Variants in TRPM3 observed in about 807,000 individuals in gnomAD.
TRPM3 encodes transient receptor potential cation channel subfamily M member 3.
Under a neutral mutation model 181.2 loss-of-function variants are expected in TRPM3, and 77 were observed. The ratio of observed to expected loss-of-function variants is 0.42; its 90% CI spans 0.35 to 0.51. The LOEUF is 0.51. Ranked by LOEUF, TRPM3 falls within the 20% of genes least tolerant of loss-of-function variation. TRPM3 has a pLI of 0.01. For synonymous variants in TRPM3, 745 were observed against 796.4 expected, an observed-to-expected ratio of 0.94 and a Z score of 1.09; for missense variants, 1,759 against 2,196.7, an observed-to-expected ratio of 0.80 and a Z score of 3.98.
In TRPM3 at chr9:70,843,028, T is replaced by C; in HGVS notation, c.776A>G (p.Asn259Ser). The C allele has an allele frequency of 6.2e-7, 1 of 1,613,798 alleles. No homozygotes were observed. Among genetic ancestry groups the C allele is most frequent in the African/African-American group, 1.3e-5 (1 of 75,000 alleles). ...IGIAPWGIVE[N>S]QEDLIGRDVV... ...ATCTCTTCCAATGAGGTCCTCCTGGTTTTCCACAATTCCCCAGGGGGCAAT... is the reference window on the plus strand; with the variant it reads ...ATCTCTTCCAATGAGGTCCTCCTGGCTTTCCACAATTCCCCAGGGGGCAAT... The change falls in exon 5 of 26, where the codon AAC (asparagine) becomes AGC (serine). Residue 259 changes from asparagine to serine, a missense_variant. Asn to Ser is a conservative substitution (Grantham distance 46). Around this residue, in one of 8 missense-constraint regions of TRPM3, gnomAD observed 737 missense variants for 957.4 expected, o/e 0.77. Transcript: ENST00000677713.
At chr9:70,545,528 AAAG>A (rs1218799862) in intron 25 of TRPM3, among the ~76,000 whole-genome samples, 2 of 144,010 alleles carry the variant, frequency 1.4e-5, no homozygotes, top group African/African-American at 5.1e-5. Context: ...TTCAGAGAGA[AAAG>A]AATTTTAATT....
intron 1 of TRPM3, among the ~76,000 whole-genome samples, chr9:71,060,339 T>C (rs2061172382): frequency 6.6e-6 from 1 of 152,130 alleles, no homozygotes; most frequent in African/African-American, 2.4e-5. Context: ...CTAACATTTC[T>C]CAGCATTTCC....
chr9:70,990,029 G>C (rs181062766), intron 1 of TRPM3, among the ~76,000 whole-genome samples: 2 of 152,130 alleles, frequency 1.3e-5, no homozygotes. Flanking sequence ...CTAAACTTAT[G>C]CCTTTTGTAC....
chr9:71,385,356 A>G (rs553765094), intron 1 of TRPM3, among the ~76,000 whole-genome samples: 144 of 152,362 alleles, frequency 9.5e-4, no homozygotes, highest in African/African-American at 3.2e-3. Flanking sequence ...ATCTATATGC[A>G]TAAATCTAAA....
chr9:71,159,718 G>A (rs1396806106), intron 1 of TRPM3, among the ~76,000 whole-genome samples: 1 of 151,996 alleles, frequency 6.6e-6, no homozygotes, highest in African/African-American at 2.4e-5. Context: ...AACACTTAAC[G>A]ACTTGAAATA....
chr9:70,667,876 C>G (rs888525202), intron 9 of TRPM3, among the ~76,000 whole-genome samples: 2 of 152,160 alleles, frequency 1.3e-5, no homozygotes, highest in Non-Finnish European at 2.9e-5. Flanking sequence ...TCACATGGCC[C>G]CAACTTCTCT....
intron 9 of TRPM3, among the ~76,000 whole-genome samples, chr9:70,676,504 A>T (rs2064044222): frequency 6.6e-6 from 1 of 152,210 alleles, no homozygotes; most frequent in African/African-American, 2.4e-5. Flanking sequence ...CTGAGAGAGC[A>T]GACTGATAAA....
intron 8 of TRPM3, among the ~76,000 whole-genome samples, chr9:70,698,762 T>C (rs2071444863): frequency 6.6e-6 from 1 of 152,022 alleles, no homozygotes; most frequent in South Asian, 2.1e-4. Context: ...AGTGAGTGAG[T>C]TCTCATGAGA....
chr9:70,677,236 A>T (rs1308924626), intron 9 of TRPM3, among the ~76,000 whole-genome samples: 2 of 152,154 alleles, frequency 1.3e-5, no homozygotes, highest in Non-Finnish European at 2.9e-5. Flanking sequence ...TGACCCAATG[A>T]TGCAAAAGTT....
intron 9 of TRPM3, among the ~76,000 whole-genome samples, chr9:70,652,862 G>A (rs1048502945): frequency 6.6e-6 from 1 of 152,184 alleles, no homozygotes; most frequent in Non-Finnish European, 1.5e-5. Flanking sequence ...AGTTTGGTGA[G>A]GTAGAAGCTG....
intron 1 of TRPM3, among the ~76,000 whole-genome samples, chr9:71,405,277 A>G (rs2131406484): frequency 6.6e-6 from 1 of 152,352 alleles, no homozygotes; most frequent in East Asian, 1.9e-4. Context: ...TATCCTATAC[A>G]TACAGCAAAG....
chr9:70,664,705 C>T (rs2061604917), intron 9 of TRPM3, among the ~76,000 whole-genome samples: 2 of 129,752 alleles, frequency 1.5e-5, no homozygotes, highest in Admixed American at 2.0e-4. Context: ...GGCTGGAGTG[C>T]AGTGGCATGA....
intron 6 of TRPM3, among the ~76,000 whole-genome samples, chr9:70,802,880 AT>A (rs1157284408): frequency 6.6e-6 from 1 of 152,044 alleles, no homozygotes; most frequent in African/African-American, 2.4e-5. Context: ...TAGCAGGCTA[AT>A]TTATTGAGCT....
intron 22 of TRPM3, among the ~76,000 whole-genome samples, chr9:70,564,773 G>A (rs894992686): frequency 7.2e-5 from 11 of 152,168 alleles, no homozygotes; most frequent in Non-Finnish European, 1.6e-4. Context: ...CCATTGCATT[G>A]TGCCTGAGGG....
At chr9:70,693,709 C>T (rs141094593) in intron 8 of TRPM3, among the ~76,000 whole-genome samples, 10 of 152,282 alleles carry the variant, frequency 6.6e-5, no homozygotes, top group South Asian at 4.1e-4. Flanking sequence ...AATCTTGACA[C>T]GTTCCAGTTG....
intron 1 of TRPM3, among the ~76,000 whole-genome samples, chr9:70,950,352 C>T (rs1322464797): frequency 6.6e-6 from 1 of 152,146 alleles, no homozygotes; most frequent in Non-Finnish European, 1.5e-5. Flanking sequence ...TATTATTTTT[C>T]AAGTGGCCAT....
intron 9 of TRPM3, among the ~76,000 whole-genome samples, chr9:70,675,342 C>A (rs1449090908): frequency 6.6e-6 from 1 of 152,008 alleles, no homozygotes; most frequent in Non-Finnish European, 1.5e-5. Context: ...CTCAGGTGAT[C>A]CACTCGGCCT....
At chr9:71,184,212 G>T (rs967307362) in intron 1 of TRPM3, among the ~76,000 whole-genome samples, 1 of 152,034 alleles carries the variant, frequency 6.6e-6, no homozygotes, top group Non-Finnish European at 1.5e-5. Flanking sequence ...AAGAACAACA[G>T]CTCTCAAACA....
intron 1 of TRPM3, among the ~76,000 whole-genome samples, chr9:71,093,543 T>C (rs1025107307): frequency 2.0e-5 from 3 of 152,138 alleles, no homozygotes; most frequent in Non-Finnish European, 2.9e-5. Flanking sequence ...TGACATATCA[T>C]CTCACACCAG....
Sources: gnomAD v4.1 joint callset for allele counts (sites outside exome capture counted in the v4.1 genomes callset) on GRCh38, gnomAD v4.1.1 for gene constraint, gnomAD v4.1.1 regional missense constraint, MANE v1.5 for transcripts, NCBI Gene and HGNC (gene_info 2026-07-23, HGNC 2026-07-21) for gene names.